Variants in KCNIP4 observed in about 807,000 individuals in gnomAD.
KCNIP4 encodes the protein potassium voltage-gated channel interacting protein 4, also known as Kv channel-interacting protein 4.
A neutral mutation model predicts 34.0 loss-of-function variants in KCNIP4; 12 were observed. That is an observed-to-expected ratio of 0.35 (90% CI 0.23 to 0.57). KCNIP4 has a LOEUF of 0.57. Ranked by LOEUF, KCNIP4 falls within the 20% of genes least tolerant of loss-of-function variation. KCNIP4 has a pLI of 0.83. For synonymous variants in KCNIP4, 124 were observed against 102.2 expected (o/e 1.21, Z -1.29); for missense variants, 238 against 311.7 (o/e 0.76, Z 1.78).
intron 3 of KCNIP4, among the ~76,000 whole-genome samples, chr4:20,773,630 C>T (rs1756110625): frequency 6.6e-6 from 1 of 152,162 alleles, no homozygotes; most frequent in Admixed American, 6.5e-5. Context: ...GCTAGAAAAG[C>T]GATTTCCAGT....
chr4:21,933,052 G>GAAAAAAAAA (rs35062040), intron 1 of KCNIP4, among the ~76,000 whole-genome samples: 3 of 100,006 alleles, frequency 3.0e-5, no homozygotes, highest in African/African-American at 4.0e-5. Flanking sequence ...AAAGGTAAAC[G>GAAAAAAAAA]AAAAAAAAAA....
intron 1 of KCNIP4, among the ~76,000 whole-genome samples, chr4:21,762,421 C>A (rs10002460): frequency 0.64 from 97,062 of 151,956 alleles, 32,768 homozygotes; most frequent in African/African-American, 0.82. Flanking sequence ...GTTGTCTTTT[C>A]TCATTATGTT....
chr4:21,874,420 CT>C (rs1377846136), intron 1 of KCNIP4, among the ~76,000 whole-genome samples: 1 of 152,164 alleles, frequency 6.6e-6, no homozygotes, highest in East Asian at 1.9e-4. Context: ...AGCTCTCTGG[CT>C]TTCAGCTGGT....
At chr4:21,426,297 G>A (rs1366944867) in intron 1 of KCNIP4, among the ~76,000 whole-genome samples, 1 of 152,290 alleles carries the variant, frequency 6.6e-6, no homozygotes, top group South Asian at 2.1e-4. Flanking sequence ...TCTTTCGGGT[G>A]TGATGAAAAT....
chr4:21,816,663 T>C (rs1722006933), intron 1 of KCNIP4, among the ~76,000 whole-genome samples: 1 of 152,200 alleles, frequency 6.6e-6, no homozygotes, highest in South Asian at 2.1e-4. Flanking sequence ...CATCCTCTGA[T>C]GAGGATTTGT....
In KCNIP4 at chr4:21,802,072, TA is replaced by T. The variant is rs563964950; in HGVS notation, c.61+146498del. On this transcript the variant is annotated intron_variant, in intron 1 of 8. Transcript: ENST00000382152. ...AATGTTTAATGAGAATGGGAATTAATATTAATATTATTCTAATTTTTCTTAA... is the reference window on the plus strand; with the variant it reads ...AATGTTTAATGAGAATGGGAATTAATTTAATATTATTCTAATTTTTCTTAA... 2.6e-3 allele frequency among the ~76,000 whole-genome samples: 401 copies of T among 151,630 alleles called. 1 individual carries two copies. The highest frequency in any genetic ancestry group is 9.4e-3 in the African/African-American group (388 of 41,364).
chr4:20,789,057 G>A (rs1391365624), intron 3 of KCNIP4, among the ~76,000 whole-genome samples: 1 of 152,072 alleles, frequency 6.6e-6, no homozygotes, highest in Non-Finnish European at 1.5e-5. Flanking sequence ...TCCCACATGT[G>A]TTATTATAGT....
intron 5 of KCNIP4, among the ~76,000 whole-genome samples, chr4:20,744,445 G>A (rs906791779): frequency 8.6e-5 from 13 of 150,998 alleles, no homozygotes; most frequent in Non-Finnish European, 1.6e-4. Flanking sequence ...GCCATAAAAA[G>A]GATGAGTTCA....
chr4:21,100,035 A>T (rs892547488), intron 1 of KCNIP4, among the ~76,000 whole-genome samples: 2 of 152,204 alleles, frequency 1.3e-5, no homozygotes, highest in African/African-American at 2.4e-5. Flanking sequence ...TTGAGATGGA[A>T]TCTACCTCTG....
At chr4:21,744,490 G>T (rs1301454979) in intron 1 of KCNIP4, among the ~76,000 whole-genome samples, 2 of 152,080 alleles carry the variant, frequency 1.3e-5, no homozygotes, top group African/African-American at 2.4e-5. Context: ...TAACCATAAG[G>T]CCAGGAAAAA....
chr4:20,812,075 G>A (rs1196997769), intron 3 of KCNIP4, among the ~76,000 whole-genome samples: 2 of 152,174 alleles, frequency 1.3e-5, no homozygotes, highest in South Asian at 2.1e-4. Flanking sequence ...GTGAGAAAAT[G>A]TAAGTACAGA....
intron 1 of KCNIP4, among the ~76,000 whole-genome samples, chr4:21,348,728 A>T (rs753929033): frequency 6.6e-6 from 1 of 152,212 alleles, no homozygotes; most frequent in Non-Finnish European, 1.5e-5. Flanking sequence ...TTACTTATTC[A>T]TTACACATTT....
intron 1 of KCNIP4, among the ~76,000 whole-genome samples, chr4:21,187,415 C>A (rs147966426): frequency 2.6e-5 from 4 of 152,120 alleles, no homozygotes; most frequent in African/African-American, 9.7e-5. Flanking sequence ...CCAAACACTG[C>A]GGCAAATTGT....
At chr4:21,594,012 G>A (rs916755060) in intron 1 of KCNIP4, among the ~76,000 whole-genome samples, 3 of 152,024 alleles carry the variant, frequency 2.0e-5, no homozygotes, top group African/African-American at 7.2e-5. Flanking sequence ...ATACCTTGGG[G>A]CCTGCATGTA....
At chr4:21,459,807 T>C (rs1729295603) in intron 1 of KCNIP4, among the ~76,000 whole-genome samples, 3 of 152,052 alleles carry the variant, frequency 2.0e-5, no homozygotes, top group Non-Finnish European at 2.9e-5. Flanking sequence ...CTGTCAGGAC[T>C]ACCTTAGTAG....
At chr4:21,492,054 G>T (rs1495515) in intron 1 of KCNIP4, among the ~76,000 whole-genome samples, 8,726 of 152,204 alleles carry the variant, frequency 0.057, 626 homozygotes, top group African/African-American at 0.16. Flanking sequence ...TAATTGTGAT[G>T]TTAAACGTGA....
intron 1 of KCNIP4, among the ~76,000 whole-genome samples, chr4:21,598,309 TG>T (rs1742818452): frequency 6.6e-6 from 1 of 152,112 alleles, no homozygotes; most frequent in Admixed American, 6.6e-5. Context: ...GAAGAATAGT[TG>T]AACTCTTAGT....
At chr4:20,885,540 C>T (rs1225299555) in intron 1 of KCNIP4, among the ~76,000 whole-genome samples, 1 of 152,136 alleles carries the variant, frequency 6.6e-6, no homozygotes, top group Non-Finnish European at 1.5e-5. Flanking sequence ...AAAACCCTAG[C>T]CTCTGAATTT....
chr4:20,803,470 C>CAAAAAAAA (rs551176038), intron 3 of KCNIP4, among the ~76,000 whole-genome samples: 13 of 85,890 alleles, frequency 1.5e-4, no homozygotes, highest in African/African-American at 3.1e-4. Context: ...TCATCTTTAC[C>CAAAAAAAA]AAAAAAAAAA....
Sources: allele counts gnomAD v4.1 joint callset (sites outside exome capture counted in the v4.1 genomes callset), GRCh38; gene constraint gnomAD v4.1.1; transcripts MANE v1.5; gene names NCBI Gene and HGNC (gene_info 2026-07-23, HGNC 2026-07-21).